The following MTMR4 variants were observed in gnomAD, a reference collection of about 807,000 sequenced individuals.
The protein encoded by MTMR4 is phosphatidylinositol-3,5-bisphosphate 3-phosphatase MTMR4.
MTMR4 carries 30 observed loss-of-function variants against 125.5 expected under a neutral mutation model. The observed-to-expected ratio is 0.24, with a 90% CI of 0.18 to 0.32. The LOEUF (loss-of-function observed/expected upper bound fraction) is 0.32, where lower values mean the gene tolerates loss of function less well. Ranked by LOEUF, MTMR4 falls within the 10% of genes least tolerant of loss-of-function variation. The pLI is 1.00. For missense variants in MTMR4, 1,039 were observed against 1,511.5 expected, an observed-to-expected ratio of 0.69 and a Z score of 5.18; for synonymous variants, 498 against 564.5, an observed-to-expected ratio of 0.88 and a Z score of 1.67.
intron 3 of MTMR4, 76 bp from the exon 4 acceptor site, chr17:58,511,587 T>A: frequency 8.1e-7 from 1 of 1,237,286 alleles, no homozygotes; most frequent in African/African-American, 1.5e-5. Flanking sequence ...GCGTAGGCAC[T>A]AATGTATCAA....
intron 14 of MTMR4, among the ~76,000 whole-genome samples, chr17:58,496,926 T>C (rs1351140722): frequency 6.6e-6 from 1 of 152,170 alleles, no homozygotes; most frequent in African/African-American, 2.4e-5. Flanking sequence ...AACCACAAAC[T>C]TTATTAAGAC....
In MTMR4 at chr17:58,503,769, C is replaced by T. The variant is rs780579381; in HGVS notation, c.1828G>A (p.Glu610Lys). Residue 610 changes from glutamate to lysine, a missense_variant, in exon 14 of 18, where the codon GAG becomes AAG. By Grantham distance (56) the Glu-to-Lys change is moderately conservative. Transcript: ENST00000682306. ...CTGTCCAGAGAGCGGCCAGAGAACTCCTGGCTCTGGGCCACTGGGGAAAGG... is the reference window on the plus strand; with the variant it reads ...CTGTCCAGAGAGCGGCCAGAGAACTTCTGGCTCTGGGCCACTGGGGAAAGG... Reference protein sequence around the residue: ...LYLSPVAQSQEFSGRSLDRLP... With the variant: ...LYLSPVAQSQKFSGRSLDRLP... 4 of 1,614,072 alleles carry T rather than the reference C, an allele frequency of 2.5e-6. No homozygotes were observed. The highest frequency in any genetic ancestry group is 3.4e-6 in the Non-Finnish European group (4 of 1,179,954).
chr17:58,495,452 A>C lies in MTMR4; in HGVS notation c.2732T>G (p.Ile911Ser). The C allele has an allele frequency of 6.2e-7, 1 of 1,614,260 alleles. No homozygotes were observed. The highest frequency in any genetic ancestry group is 8.5e-7 in the Non-Finnish European group (1 of 1,180,046). The change falls in exon 15 of 18, where the codon ATC becomes AGC. Residue 911 changes from isoleucine to serine, a missense_variant. Physicochemically the swap from Ile to Ser is moderately radical, Grantham distance 142. Around this residue, in one of 6 missense-constraint regions of MTMR4, gnomAD observed 619 missense variants for 714.5 expected, o/e 0.87. Coordinates refer to ENST00000682306, the MANE Select transcript of MTMR4 (RefSeq NM_001378067.1). ...LVRKPISQSQ[I>S]SEFSFLGSNW... ...GGACCCTAGAAAAGAGAACTCACTG[A>C]TCTGGCTCTGAGAAATTGGCTTCCG...
rs528447476 is a variant in MTMR4, at chr17:58,491,906, C to T, written c.3453-66G>A. 9.5e-4 allele frequency: 1,429 copies of T among 1,499,268 alleles called. 1 individual carries two copies. Among genetic ancestry groups the T allele is most frequent in the Non-Finnish European group, 1.2e-3 (1,285 of 1,094,898 alleles). The allele number at this position is 1,499,268 out of a possible 1,614,324, so 92.9% of individuals were successfully genotyped here. A position where few individuals can be genotyped will look rare whatever the true frequency, so the allele number is the denominator to read the frequency against. On this transcript the variant is annotated intron_variant, in intron 17 of 17. Transcript: ENST00000682306. ...AATATACTGGCCAGGCAGGGTGACT[C>T]ACACCAGTAATCCCTGCACTTTGGT...
At chr17:58,511,847 G>C (rs1567937999) in intron 3 of MTMR4, among the ~76,000 whole-genome samples, 1 of 152,154 alleles carries the variant, frequency 6.6e-6, no homozygotes, top group Admixed American at 6.5e-5. Flanking sequence ...TTCCAACAAT[G>C]CCACTGTGCT....
chr17:58,495,386 C>T lies in MTMR4; in HGVS notation c.2798G>A (p.Ser933Asn). The change falls in exon 15 of 18, where the codon AGT (serine) becomes AAT (asparagine). Residue 933 changes from serine (S) to asparagine (N), a missense_variant. Transcript: ENST00000682306. Reference protein sequence around the residue: ...SFQGMVTSFPSGEATPRRLLS... With the variant: ...SFQGMVTSFPNGEATPRRLLS... ...CAGCCGCCGAGGGGTGGCCTCCCCA[C>T]TTGGGAATGAAGTCACCATCCCTTG... The T allele has an allele frequency of 1.9e-6, 3 of 1,614,230 alleles. No individual in the cohort carries two copies. Among genetic ancestry groups the T allele is most frequent in the Non-Finnish European group, 2.5e-6 (3 of 1,180,038 alleles).
intron 17 of MTMR4, 99 bp from the exon 18 acceptor site, chr17:58,491,939 G>A: frequency 8.6e-7 from 1 of 1,161,978 alleles, no homozygotes; most frequent in Non-Finnish European, 1.2e-6. Context: ...GGTAGGCTGA[G>A]GCAGTAGAAT....
upstream of MTMR4, chr17:58,514,934 G>C: frequency 1.1e-6 from 1 of 881,366 alleles, no homozygotes; most frequent in Non-Finnish European, 1.4e-6. Context: ...TCCCAAGGTG[G>C]AGCTCACCTA....
chr17:58,495,810 A>C lies in MTMR4; in HGVS notation c.2374T>G (p.Phe792Val), dbSNP rs1473757485. 1 of 1,613,968 alleles carries C rather than the reference A, an allele frequency of 6.2e-7. No homozygotes were observed. The highest frequency in any genetic ancestry group is 8.5e-7 in the Non-Finnish European group (1 of 1,180,020). ...GGAGAGTTCTGGGAAGACTCAGGAA[A>C]ATTACAAACTCCATCACACTTGTTA... ...ISNKCDGVCN[F>V]PESSQNSPTG... Residue 792 changes from phenylalanine (F) to valine (V), a missense_variant, in exon 15 of 18, where the codon TTT becomes GTT. This residue lies in a region of MTMR4 where 619 missense variants were observed against 714.5 expected (regional missense o/e 0.87). Coordinates refer to ENST00000682306, the MANE Select transcript of MTMR4 (RefSeq NM_001378067.1).
intron 8 of MTMR4, 22 bp downstream of exon 8, chr17:58,507,101 G>A: frequency 1.9e-6 from 3 of 1,613,792 alleles, no homozygotes; most frequent in Non-Finnish European, 1.7e-6. Flanking sequence ...TCCCTGGGGG[G>A]TTAGCATCAT....
intron 7 of MTMR4, 188 bp downstream of exon 7, chr17:58,507,973 A>G: frequency 1.9e-6 from 1 of 530,778 alleles, no homozygotes; most frequent in Non-Finnish European, 3.4e-6. Flanking sequence ...AAGGGGGGGA[A>G]TGAATAAACT....
rs753520145 is a variant in MTMR4, at chr17:58,496,049, C to T, written c.2135G>A (p.Cys712Tyr). 1 of 1,614,172 alleles carries T rather than the reference C, an allele frequency of 6.2e-7. No homozygotes were observed. The highest frequency in any genetic ancestry group is 8.5e-7 in the Non-Finnish European group (1 of 1,180,036). ...ATTAAGCAGTTTGTAACTTGGAGAA[C>T]AGCTTTTGTGACTCTTGAAAGGTTT... ...SNKPFKSHKS[C>Y]SPSYKLLNTA... Residue 712 changes from cysteine to tyrosine, a missense_variant, in exon 15 of 18, where the codon TGT becomes TAT. Coordinates refer to ENST00000682306, the MANE Select transcript of MTMR4 (RefSeq NM_001378067.1).
chr17:58,494,985 G>C lies in MTMR4; in HGVS notation c.3199C>G (p.Arg1067Gly). 5 of 1,614,184 alleles carry C rather than the reference G, an allele frequency of 3.1e-6. No homozygotes were observed. The highest frequency in any genetic ancestry group is 4.2e-6 in the Non-Finnish European group (5 of 1,180,032). The change falls in exon 15 of 18, where the codon CGT becomes GGT. Residue 1067 changes from arginine to glycine, a missense_variant. Physicochemically the swap from Arg to Gly is moderately radical, Grantham distance 125. Around this residue, in one of 6 missense-constraint regions of MTMR4, gnomAD observed 619 missense variants for 714.5 expected, o/e 0.87. Transcript: ENST00000682306. Reference sequence around the variant, plus strand: ...TCTGCTGGAGGGGCACAGCAGTGACGGATGTCCAGCCTCATCTGAAGCTCA... The same window carrying C: ...TCTGCTGGAGGGGCACAGCAGTGACCGATGTCCAGCCTCATCTGAAGCTCA... ...VRELQMRLDI[R>G]HCCAPPAEPP...
chr17:58,508,774 G>C lies in MTMR4; in HGVS notation c.403C>G (p.Pro135Ala). 6.2e-7 allele frequency: 1 copy of C among 1,614,200 alleles called. No homozygotes were observed. Among genetic ancestry groups the C allele is most frequent in the African/African-American group, 1.3e-5 (1 of 75,062 alleles). Residue 135 changes from proline (P) to alanine (A), a missense_variant, in exon 5 of 18, where the codon CCT (proline) becomes GCT (alanine). Pro to Ala is a conservative substitution (Grantham distance 27, BLOSUM62 -1). Transcript: ENST00000682306. The surrounding 1 kb of genome is among the most constrained non-coding windows in gnomAD (Gnocchi z 4.8). ...GCAAAGAGGTCTTCAGGCTTGGCAG[G>C]TCTTGCTGTGGCTCGGCTTAGCCGT... ...LSRLSRATAR[P>A]AKPEDLFAFA...
upstream of MTMR4, chr17:58,515,216 C>A: frequency 3.7e-6 from 1 of 272,930 alleles, no homozygotes; most frequent in Non-Finnish European, 5.6e-6. Flanking sequence ...ATTTCTTAGT[C>A]TGGGAAAGTG....
intron 14 of MTMR4, among the ~76,000 whole-genome samples, chr17:58,502,043 A>G (rs1315870600): frequency 6.6e-6 from 1 of 151,826 alleles, no homozygotes; most frequent in East Asian, 1.9e-4. Flanking sequence ...TGGGCAACAG[A>G]GCGAAACTCT....
At position 58,495,113 on chromosome 17, in the gene MTMR4, T is replaced by C. The variant is rs61742345; in HGVS notation, c.3071A>G (p.Asp1024Gly). The C allele has an allele frequency of 1.1e-4, 177 of 1,614,194 alleles. 1 individual carries two copies. In the Middle Eastern group the frequency reaches 2.1e-3, roughly 20 times the overall value. The part of the protein sequence containing the change: ...CPSPVPPLYL[D>G]DDGLPFPTDV... ...CGTGGGAAAGGGGAGTCCATCATCATCCAAATACAGAGGAGGCACTGGAGA... is the reference window on the plus strand; with the variant it reads ...CGTGGGAAAGGGGAGTCCATCATCACCCAAATACAGAGGAGGCACTGGAGA... Residue 1024 changes from aspartate (D) to glycine (G), a missense_variant, in exon 15 of 18, where the codon GAT becomes GGT. This residue lies in a region of MTMR4 where 619 missense variants were observed against 714.5 expected (regional missense o/e 0.87). Transcript: ENST00000682306.
chr17:58,512,488 G>C lies in MTMR4; in HGVS notation c.154C>G (p.Gln52Glu). The C allele has an allele frequency of 6.2e-7, 1 of 1,613,972 alleles. No homozygotes were observed. Among genetic ancestry groups the C allele is most frequent in the Non-Finnish European group, 8.5e-7 (1 of 1,179,862 alleles). Residue 52 changes from glutamine to glutamate, a missense_variant, in exon 3 of 18, where the codon CAG becomes GAG. Gln to Glu is a conservative substitution (Grantham distance 29, BLOSUM62 2). Transcript: ENST00000682306. The surrounding 1 kb of genome is among the most constrained non-coding windows in gnomAD (Gnocchi z 4.1). ...CCCAGGAACTCTACTCCCTCACCCTGCAGCACTGTGAAGGGGACCTGTCAA... is the reference window on the plus strand; with the variant it reads ...CCCAGGAACTCTACTCCCTCACCCTCCAGCACTGTGAAGGGGACCTGTCAA... ...ENLQVPFTVLQGEGVEFLGRA... is the reference protein window; with the variant it reads ...ENLQVPFTVLEGEGVEFLGRA...
rs1269234774 is a variant in MTMR4 at position 58,512,608 on chromosome 17, A to G, written c.136-102T>C. On this transcript the variant is annotated intron_variant, in intron 2 of 17. Transcript: ENST00000682306. The surrounding 1 kb of genome is among the most constrained non-coding windows in gnomAD (Gnocchi z 4.1). ...GATCCCCTCTGGAAAAGGTGGGCCAAGGCAAGAGAGGAGAGTTCTCTCCAC... is the reference window on the plus strand; with the variant it reads ...GATCCCCTCTGGAAAAGGTGGGCCAGGGCAAGAGAGGAGAGTTCTCTCCAC... The G allele has an allele frequency of 1.0e-6, 1 of 994,286 alleles. No individual in the cohort carries two copies. Among genetic ancestry groups the G allele is most frequent in the Non-Finnish European group, 1.6e-6 (1 of 635,940 alleles). The allele number at this position is 994,286 out of a possible 1,614,324, so 61.6% of individuals were successfully genotyped here. A position where few individuals can be genotyped will look rare whatever the true frequency, so the allele number is the denominator to read the frequency against.
Sources: gnomAD v4.1 joint callset for allele counts (sites outside exome capture counted in the v4.1 genomes callset) on GRCh38, gnomAD v4.1.1 for gene constraint, gnomAD v4.1.1 regional missense constraint, Gnocchi (gnomAD v3.1) non-coding constraint, MANE v1.5 for transcripts, NCBI Gene and HGNC (gene_info 2026-07-23, HGNC 2026-07-21) for gene names.